The following DMD variants were observed in gnomAD, a reference collection of about 807,000 sequenced individuals.
The protein encoded by DMD is dystrophin.
In DMD, 63 loss-of-function variants were observed where a neutral mutation model predicts 330.1. The ratio of observed to expected loss-of-function variants is 0.19; its 90% CI spans 0.16 to 0.24. The LOEUF (loss-of-function observed/expected upper bound fraction) is 0.24, where lower values mean the gene tolerates loss of function less well. Among genes scored for constraint, DMD ranks in the 10% least tolerant of loss-of-function variants. DMD has a pLI of 1.00. For synonymous variants in DMD, 1,223 were observed against 959.8 expected (o/e 1.27, Z -5.07); for missense variants, 3,344 against 2,684.1 (o/e 1.25, Z -5.43).
intron 4 of DMD, among the ~76,000 whole-genome samples, chrX:32,831,649 CG>C (rs2079155775): frequency 1.1e-5 from 1 of 89,754 alleles, no homozygotes. Flanking sequence ...AAGATATTTA[CG>C]TGTGTGTGTG....
At chrX:32,561,225 G>A (rs2050962764) in intron 16 of DMD, among the ~76,000 whole-genome samples, 1 of 111,663 alleles carries the variant, frequency 9.0e-6, no homozygotes, top group African/African-American at 3.3e-5. Context: ...AGAGGAGAAT[G>A]TTCTAACCCA....
intron 2 of DMD, among the ~76,000 whole-genome samples, chrX:32,944,622 T>C: frequency 9.2e-6 from 1 of 108,571 alleles, no homozygotes; most frequent in Non-Finnish European, 1.9e-5. Context: ...TTTTTTTTTT[T>C]TATACAGAGT....
intron 61 of DMD, among the ~76,000 whole-genome samples, chrX:31,340,368 C>T (rs1435288807): frequency 8.9e-6 from 1 of 112,287 alleles, no homozygotes; most frequent in Non-Finnish European, 1.9e-5. Flanking sequence ...TGGTTAAAAG[C>T]TGGAGTATAA....
chrX:31,488,019 G>T (rs768892930), intron 57 of DMD, among the ~76,000 whole-genome samples: 6 of 112,082 alleles, frequency 5.4e-5, no homozygotes, highest in Non-Finnish European at 9.4e-5. Context: ...AACAAAGATT[G>T]TATTCTCTGA....
chrX:32,871,736 C>A (rs1569537202), intron 2 of DMD, among the ~76,000 whole-genome samples: 1 of 111,306 alleles, frequency 9.0e-6, no homozygotes, highest in East Asian at 2.8e-4. Context: ...AAGACACAGT[C>A]GTTGTTATGA....
intron 48 of DMD, among the ~76,000 whole-genome samples, chrX:31,869,150 T>C (rs996092205): frequency 1.8e-5 from 2 of 111,744 alleles, no homozygotes; most frequent in African/African-American, 6.5e-5. Flanking sequence ...CTGAAACTTA[T>C]TCAGCTTGTG....
At chrX:31,715,305 G>A (rs759307158) in intron 52 of DMD, among the ~76,000 whole-genome samples, 74 of 108,594 alleles carry the variant, frequency 6.8e-4, no homozygotes, top group Non-Finnish European at 9.4e-4. Context: ...AGCACTTTGG[G>A]AGGCCGAGAC....
intron 52 of DMD, among the ~76,000 whole-genome samples, chrX:31,698,807 T>C (rs2083609309): frequency 9.0e-6 from 1 of 110,885 alleles, no homozygotes; most frequent in Non-Finnish European, 1.9e-5. Context: ...CAGAGGGGAG[T>C]TATTGGCACA....
intron 29 of DMD, among the ~76,000 whole-genome samples, chrX:32,414,188 T>C (rs539806910): frequency 2.6e-4 from 29 of 111,789 alleles, no homozygotes; most frequent in Non-Finnish European, 3.2e-4. Flanking sequence ...TTTACTGGCA[T>C]AATCTCAATT....
intron 18 of DMD, among the ~76,000 whole-genome samples, chrX:32,514,899 G>T (rs2045705694): frequency 8.9e-6 from 1 of 112,069 alleles, no homozygotes; most frequent in South Asian, 3.6e-4. Context: ...AACTAAGAAT[G>T]AAAGAACAAA....
At chrX:32,715,264 G>A (rs1433019878) in intron 7 of DMD, among the ~76,000 whole-genome samples, 1 of 109,810 alleles carries the variant, frequency 9.1e-6, no homozygotes, top group Admixed American at 9.8e-5. Context: ...GGATCACAAG[G>A]TCAAGAGATT....
At position 31,764,158 on chromosome X, in the gene DMD, T is replaced by C. The variant is rs151132831; in HGVS notation, c.7542+9802A>G. On this transcript the variant is annotated intron_variant, in intron 51 of 78. Transcript: ENST00000357033. ...GCACTGATATTACAAGTGTGAGCCA[T>C]TGTGTCTGGACCCGTCCTCATTTTC... Among the ~76,000 whole-genome samples the C allele has an allele frequency of 3.5e-4, 39 of 111,876 alleles. No individual in the cohort carries two copies. In the East Asian group the frequency reaches 7.9e-3, roughly 23 times the overall value.
rs1314664027 is a variant in DMD, at chrX:31,711,780, T to C, written c.7660+17851A>G. ...CACAGTTTAGAATGGAAAACAAATATAGAAATCAGAGTTAAGAATGCAATT... is the reference window on the plus strand; with the variant it reads ...CACAGTTTAGAATGGAAAACAAATACAGAAATCAGAGTTAAGAATGCAATT... On this transcript the variant is annotated intron_variant, in intron 52 of 78. Transcript: ENST00000357033. 1.2e-4 allele frequency among the ~76,000 whole-genome samples: 13 copies of C among 111,083 alleles called. 1 individual carries two copies. The highest frequency in any genetic ancestry group is 5.7e-5 in the Non-Finnish European group (3 of 52,935).
intron 9 of DMD, among the ~76,000 whole-genome samples, chrX:32,669,221 TTTC>T (rs1423669108): frequency 9.0e-6 from 1 of 111,611 alleles, no homozygotes. Context: ...CTATGTATTA[TTTC>T]TTGTTTTCCA....
At chrX:31,846,799 A>T (rs1298375155) in intron 48 of DMD, among the ~76,000 whole-genome samples, 1 of 111,600 alleles carries the variant, frequency 9.0e-6, no homozygotes, top group African/African-American at 3.2e-5. Context: ...AGATACCACT[A>T]CTCAGAAGGC....
chrX:32,582,398 G>C (rs2149191833), intron 13 of DMD, among the ~76,000 whole-genome samples: 1 of 111,212 alleles, frequency 9.0e-6, no homozygotes, highest in South Asian at 3.7e-4. Context: ...ATTCATAACA[G>C]CAAAAATATA....
intron 2 of DMD, among the ~76,000 whole-genome samples, chrX:32,886,469 G>T (rs1364898322): frequency 9.0e-6 from 1 of 110,929 alleles, no homozygotes; most frequent in Admixed American, 9.6e-5. Flanking sequence ...AGATTACAAG[G>T]TCAGGAGATC....
At chrX:32,673,739 G>A (rs1345524035) in intron 9 of DMD, among the ~76,000 whole-genome samples, 1 of 111,962 alleles carries the variant, frequency 8.9e-6, no homozygotes, top group Non-Finnish European at 1.9e-5. Context: ...CTCAAAGATT[G>A]GCTATGCCCT....
chrX:32,347,264 T>C (rs1020411187), intron 38 of DMD, among the ~76,000 whole-genome samples: 1 of 111,801 alleles, frequency 8.9e-6, no homozygotes, highest in African/African-American at 3.3e-5. Flanking sequence ...TAAAAGTCTG[T>C]AGCATTTTCT....
Sources: allele counts gnomAD v4.1 joint callset (sites outside exome capture counted in the v4.1 genomes callset), GRCh38; gene constraint gnomAD v4.1.1; transcripts MANE v1.5; gene names NCBI Gene and HGNC (gene_info 2026-07-23, HGNC 2026-07-21).